The following NDRG3 variants were observed in gnomAD, a reference collection of about 807,000 sequenced individuals.
The protein encoded by NDRG3 is NDRG family member 3, also known as protein NDRG3.
A neutral mutation model predicts 57.2 loss-of-function variants in NDRG3; 23 were observed. The observed-to-expected ratio is 0.40, with a 90% CI of 0.29 to 0.57. NDRG3 has a LOEUF of 0.57. Ranked by LOEUF, NDRG3 falls within the 20% of genes least tolerant of loss-of-function variation. NDRG3 has a pLI of 0.42. For missense variants in NDRG3, 384 were observed against 457.3 expected, an observed-to-expected ratio of 0.84 and a Z score of 1.46; for synonymous variants, 132 against 162.6, an observed-to-expected ratio of 0.81 and a Z score of 1.43.
chr20:36,741,118 C>T (rs2082739703), intron 1 of NDRG3, among the ~76,000 whole-genome samples: 2 of 152,204 alleles, frequency 1.3e-5, no homozygotes, highest in African/African-American at 4.8e-5. Context: ...CCTATCCAGG[C>T]TTGTCCGTTT....
intron 2 of NDRG3, among the ~76,000 whole-genome samples, chr20:36,718,353 G>A (rs1343443788): frequency 3.3e-5 from 5 of 152,120 alleles, no homozygotes; most frequent in South Asian, 2.1e-4. Flanking sequence ...GAGCACTTAC[G>A]TCTCAGGGAG....
chr20:36,728,597 A>G (rs1487708055), intron 1 of NDRG3, among the ~76,000 whole-genome samples: 1 of 152,234 alleles, frequency 6.6e-6, no homozygotes, highest in Non-Finnish European at 1.5e-5. Flanking sequence ...GGGGTTTTGG[A>G]GCATTTCAGA....
chr20:36,691,473 GGA>G (rs1982260835), intron 3 of NDRG3, among the ~76,000 whole-genome samples: 1 of 152,198 alleles, frequency 6.6e-6, no homozygotes, highest in South Asian at 2.1e-4. Flanking sequence ...CAGCACTTTG[GGA>G]GGCCGAGGCA....
At chr20:36,744,296 G>C (rs1986076930) in intron 1 of NDRG3, among the ~76,000 whole-genome samples, 1 of 152,058 alleles carries the variant, frequency 6.6e-6, no homozygotes, top group African/African-American at 2.4e-5. Context: ...GTGATGACAA[G>C]TTTAATCTGA....
At chr20:36,743,221 C>T (rs2148238777) in intron 1 of NDRG3, among the ~76,000 whole-genome samples, 1 of 152,202 alleles carries the variant, frequency 6.6e-6, no homozygotes, top group East Asian at 1.9e-4. Context: ...CAGCCGGGCT[C>T]GGAGGCTCAC....
At chr20:36,737,034 C>T (rs891647434) in intron 1 of NDRG3, among the ~76,000 whole-genome samples, 26 of 152,190 alleles carry the variant, frequency 1.7e-4, no homozygotes, top group Admixed American at 6.5e-4. Flanking sequence ...TTGTGTCACT[C>T]CTGGGTTCTG....
intron 8 of NDRG3, among the ~76,000 whole-genome samples, chr20:36,677,728 G>C (rs1364810552): frequency 6.6e-6 from 1 of 152,166 alleles, no homozygotes; most frequent in Non-Finnish European, 1.5e-5. Context: ...TGGACGACCT[G>C]CCTACAGAGA....
intron 1 of NDRG3, among the ~76,000 whole-genome samples, chr20:36,729,815 A>G (rs1303389192): frequency 6.6e-6 from 1 of 152,234 alleles, no homozygotes; most frequent in East Asian, 1.9e-4. Context: ...GGCATGAGCC[A>G]CCATGCCCAG....
chr20:36,669,664 C>G (rs186305597), intron 9 of NDRG3, among the ~76,000 whole-genome samples: 1 of 152,116 alleles, frequency 6.6e-6, no homozygotes, highest in Non-Finnish European at 1.5e-5. Context: ...GGCGCGCGGC[C>G]GATTTTTGAA....
intron 3 of NDRG3, among the ~76,000 whole-genome samples, chr20:36,704,007 T>C (rs1001881979): frequency 3.3e-5 from 5 of 152,200 alleles, no homozygotes; most frequent in African/African-American, 9.6e-5. Flanking sequence ...TTTTATTTAT[T>C]TACTTTTTGG....
chr20:36,666,551 C>T (rs951046994), intron 9 of NDRG3, among the ~76,000 whole-genome samples, 159 bp from the exon 10 acceptor site: 3 of 152,152 alleles, frequency 2.0e-5, no homozygotes, highest in Admixed American at 6.6e-5. Flanking sequence ...GGCTGAATGA[C>T]TGATTATTTG....
At chr20:36,735,506 G>C (rs542012869) in intron 1 of NDRG3, among the ~76,000 whole-genome samples, 1 of 152,248 alleles carries the variant, frequency 6.6e-6, no homozygotes, top group South Asian at 2.1e-4. Context: ...TTACATTGCA[G>C]CTAGTGTTTG....
intron 2 of NDRG3, among the ~76,000 whole-genome samples, chr20:36,715,740 G>A (rs1984237069): frequency 6.6e-6 from 1 of 150,818 alleles, no homozygotes; most frequent in Admixed American, 6.6e-5. Flanking sequence ...CAAGTAGGTG[G>A]GAATTGCTTG....
chr20:36,730,877 G>C (rs749126728), intron 1 of NDRG3, among the ~76,000 whole-genome samples: 2 of 151,328 alleles, frequency 1.3e-5, no homozygotes, highest in Non-Finnish European at 2.9e-5. Flanking sequence ...GGAGGAGGTT[G>C]GAGTGAGCCA....
intron 1 of NDRG3, among the ~76,000 whole-genome samples, chr20:36,739,223 C>A (rs1036113890): frequency 7.2e-6 from 1 of 138,946 alleles, no homozygotes; most frequent in East Asian, 2.2e-4. Flanking sequence ...CCGAGGCTGG[C>A]GGATCACGAG....
chr20:36,741,219 G>A lies in NDRG3; in HGVS notation c.-49+4826C>T, dbSNP rs972925955. ...TTCATTCATTCATCATTTACTAAGCGCCTATTATCAGCCAAGCACAGAGCT... is the reference window on the plus strand; with the variant it reads ...TTCATTCATTCATCATTTACTAAGCACCTATTATCAGCCAAGCACAGAGCT... On this transcript the variant is annotated intron_variant, in intron 1 of 15. Transcript: ENST00000349004. 8.6e-5 allele frequency among the ~76,000 whole-genome samples: 13 copies of A among 151,428 alleles called. No individual in the cohort carries two copies. The East Asian group carries it at 1.4e-3, about 16-fold the overall frequency.
intron 2 of NDRG3, among the ~76,000 whole-genome samples, chr20:36,708,319 A>T (rs1471741028): frequency 6.6e-6 from 1 of 152,142 alleles, no homozygotes; most frequent in Non-Finnish European, 1.5e-5. Flanking sequence ...AAAAATACTG[A>T]GTAGTCCCAT....
At chr20:36,691,446 G>T (rs139186025) in intron 3 of NDRG3, among the ~76,000 whole-genome samples, 4,304 of 152,316 alleles carry the variant, frequency 0.028, 244 homozygotes, top group African/African-American at 0.099. Flanking sequence ...AGGCGCGGTG[G>T]CTCATGCCTG....
At chr20:36,671,942 G>C (rs1199622350) in intron 8 of NDRG3, among the ~76,000 whole-genome samples, 1 of 152,140 alleles carries the variant, frequency 6.6e-6, no homozygotes, top group African/African-American at 2.4e-5. Flanking sequence ...TATGAAATAG[G>C]GGACTGGAAG....
Sources: allele counts gnomAD v4.1 joint callset (sites outside exome capture counted in the v4.1 genomes callset), GRCh38; gene constraint gnomAD v4.1.1; transcripts MANE v1.5; gene names NCBI Gene and HGNC (gene_info 2026-07-23, HGNC 2026-07-21).